NIBAN3: variants seen among roughly 807,000 people sequenced by gnomAD.
NIBAN3 encodes protein Niban 3.
Under a neutral mutation model 76.4 loss-of-function variants are expected in NIBAN3, and 66 were observed. The observed-to-expected ratio is 0.86, with a 90% CI of 0.71 to 1.06. The LOEUF (loss-of-function observed/expected upper bound fraction) is 1.06, where lower values mean the gene tolerates loss of function less well. Ranked by LOEUF, NIBAN3 falls within the 50% of genes least tolerant of loss-of-function variation. NIBAN3 has a pLI of 0.00. For missense variants in NIBAN3, 808 were observed against 810.7 expected (o/e 1.00, Z 0.04); for synonymous variants, 360 against 355.2 (o/e 1.01, Z -0.15).
rs1000542892 is a variant in NIBAN3 at position 17,542,054 on chromosome 19, T to G, written c.1171-82T>G. ...ATGTATTTTCATTTGTGTTTCTCCT[T>G]TGGTGAATTGGTAATGGGGTCCCTG... On this transcript the variant is annotated intron_variant, in intron 9 of 14. Coordinates refer to ENST00000599164, the MANE Select transcript of NIBAN3 (RefSeq NM_001321827.2). The surrounding 1 kb of genome is among the most constrained non-coding windows in gnomAD (Gnocchi z 4.8). 6.7e-7 allele frequency: 1 copy of G among 1,502,550 alleles called. No homozygotes were observed. The highest frequency in any genetic ancestry group is 1.1e-5 in the South Asian group (1 of 87,890). The allele number at this position is 1,502,550 out of a possible 1,614,324, so 93.1% of individuals were successfully genotyped here.
In NIBAN3 at chr19:17,539,595, C is replaced by A; in HGVS notation, c.817-8C>A. ...TCGGCTTTGTCCCCCCTCGACCGGT[C>A]TGGGCAGCTTCTAGACGCCGTTCAC... On this transcript the variant is annotated splice_polypyrimidine_tract_variant and splice_region_variant and intron_variant, in intron 7 of 14. Transcript: ENST00000599164. 2.6e-6 allele frequency: 4 copies of A among 1,540,624 alleles called. No homozygotes were observed. The highest frequency in any genetic ancestry group is 3.5e-6 in the Non-Finnish European group (4 of 1,137,476).
Position 17,539,743 on chromosome 19 carries a change from G to C in NIBAN3, c.957G>C (p.Ala319=). ...TGGACCAGCTGCTGCGGCAGCGGGC[G>C]CGTGTGGCGGGGCGGCTGAGGAGTG... ...PDVDQLLRQR[A]RVAGRLRTDI... is the part of the protein sequence containing the mutation. The change falls in exon 8 of 15, where the codon GCG becomes GCC. Residue 319 remains alanine (A), a synonymous_variant. Coordinates refer to ENST00000599164, the MANE Select transcript of NIBAN3 (RefSeq NM_001321827.2). 6.5e-7 allele frequency: 1 copy of C among 1,538,474 alleles called. No individual in the cohort carries two copies. The highest frequency in any genetic ancestry group is 8.7e-7 in the Non-Finnish European group (1 of 1,144,168).
At chr19:17,528,502 G>A (rs1209882663) in intron 1 of NIBAN3, among the ~76,000 whole-genome samples, 1 of 152,154 alleles carries the variant, frequency 6.6e-6, no homozygotes, top group Non-Finnish European at 1.5e-5. Context: ...GCCAGGCCCT[G>A]AGGGATGTCT....
chr19:17,549,128 C>T (rs2076111701), intron 13 of NIBAN3, among the ~76,000 whole-genome samples: 1 of 152,042 alleles, frequency 6.6e-6, no homozygotes, highest in Non-Finnish European at 1.5e-5. Flanking sequence ...GAATTAAATC[C>T]AGAAACAGTT....
rs1033296179 is a variant in NIBAN3, at chr19:17,553,423, C to T, written c.*1525C>T. On this transcript the variant is annotated 3_prime_UTR_variant, in exon 15 of 15. Coordinates refer to ENST00000599164, the MANE Select transcript of NIBAN3 (RefSeq NM_001321827.2). Reference sequence around the variant, plus strand: ...TAACTGGATATTGGCAGCTTCTCTGCTGTCTTGCAGCTGCTTCCGGAGTGG... The same window carrying T: ...TAACTGGATATTGGCAGCTTCTCTGTTGTCTTGCAGCTGCTTCCGGAGTGG... The T allele has an allele frequency of 6.2e-7, 1 of 1,614,214 alleles. No individual in the cohort carries two copies. The highest frequency in any genetic ancestry group is 8.5e-7 in the Non-Finnish European group (1 of 1,180,036).
intron 5 of NIBAN3, among the ~76,000 whole-genome samples, chr19:17,538,069 G>T (rs901590232): frequency 2.0e-5 from 3 of 152,060 alleles, no homozygotes; most frequent in Non-Finnish European, 4.4e-5. Flanking sequence ...CAGCCTGAGG[G>T]ATGGGGGTTA....
rs1000540928 is a variant in NIBAN3 at position 17,553,389 on chromosome 19, G to C, written c.*1491G>C. The stretch of plus-strand genomic sequence containing the variant: ...CCGACTTCCTCTGCTTGCCAGCAAA[G>C]TCATCTGCTAACTGGATATTGGCAG... On this transcript the variant is annotated 3_prime_UTR_variant, in exon 15 of 15. Transcript: ENST00000599164. The C allele has an allele frequency of 1.2e-6, 2 of 1,614,156 alleles. No homozygotes were observed. The highest frequency in any genetic ancestry group is 4.5e-5 in the East Asian group (2 of 44,888).
At chr19:17,535,767 G>A (rs534490132) in intron 4 of NIBAN3, among the ~76,000 whole-genome samples, 307 of 147,480 alleles carry the variant, frequency 2.1e-3, no homozygotes, top group Non-Finnish European at 3.3e-3. Context: ...AAAAAAGCCA[G>A]GTGGCTCACG....
intron 1 of NIBAN3, among the ~76,000 whole-genome samples, chr19:17,530,056 C>A (rs1469561641): frequency 7.3e-4 from 102 of 140,096 alleles, no homozygotes; most frequent in African/African-American, 1.7e-3. Flanking sequence ...CACCCTGTCT[C>A]AAAAAAAAGA....
chr19:17,530,849 T>A lies in NIBAN3; in HGVS notation c.150T>A (p.Pro50=). 1 of 1,613,504 alleles carries A rather than the reference T, an allele frequency of 6.2e-7. No homozygotes were observed. Residue 50 remains proline (P), a synonymous_variant, in exon 2 of 15, where the codon CCT becomes CCA. Coordinates refer to ENST00000599164, the MANE Select transcript of NIBAN3 (RefSeq NM_001321827.2). The stretch of plus-strand genomic sequence containing the variant: ...GGCAGATCTCTCGAGAGCTGGGCCC[T>A]CAGGAGCCGACCGGAAGCCAGTTGC... ...VLRQISRELG[P]QEPTGSQLLR... is the part of the protein sequence containing the mutation.
intron 9 of NIBAN3, among the ~76,000 whole-genome samples, chr19:17,541,416 C>T (rs1009529832): frequency 1.3e-5 from 2 of 152,076 alleles, no homozygotes; most frequent in Non-Finnish European, 2.9e-5. Flanking sequence ...GACTTTCATA[C>T]CACTGTGGGT....
At chr19:17,527,973 C>G (rs1047162530) in intron 1 of NIBAN3, among the ~76,000 whole-genome samples, 2 of 151,660 alleles carry the variant, frequency 1.3e-5, no homozygotes, top group South Asian at 2.1e-4. Context: ...GGATTACAGG[C>G]GGGAGCCACT....
In NIBAN3 at chr19:17,543,368, A is replaced by G; in HGVS notation, c.1381A>G (p.Thr461Ala). The G allele has an allele frequency of 1.3e-6, 2 of 1,597,574 alleles. No individual in the cohort carries two copies. Among genetic ancestry groups the G allele is most frequent in the South Asian group, 2.2e-5 (2 of 89,430 alleles). The change falls in exon 11 of 15, where the codon ACG becomes GCG. Residue 461 changes from threonine (T) to alanine (A), a missense_variant. Physicochemically the swap from Thr to Ala is moderately conservative, Grantham distance 58. Transcript: ENST00000599164. ...CCTGCAGCTGGCTGACCAGTGTCTG[A>G]CGACGGCCCTCAACTGTGACCAGGC... is the stretch of plus-strand genomic sequence containing the variant. ...TFLQLADQCL[T>A]TALNCDQAAQ...
At position 17,542,589 on chromosome 19, in the gene NIBAN3, TC is replaced by T. The variant is rs1248072500; in HGVS notation, c.1329+298del. On this transcript the variant is annotated intron_variant, in intron 10 of 14. Transcript: ENST00000599164. This position sits in a 1 kb window ranked among gnomAD's most constrained non-coding sequence, Gnocchi z 4.8. ...ATGGGAGGAATGGCGTTGCCACCAG[TC>T]CCGAGTGAATAGTGTTGAGAGTGCT... Among the ~76,000 whole-genome samples, 1 of 152,118 alleles carries T rather than the reference TC, an allele frequency of 6.6e-6. No individual in the cohort carries two copies. Among genetic ancestry groups the T allele is most frequent in the Non-Finnish European group, 1.5e-5 (1 of 68,018 alleles).
At position 17,542,661 on chromosome 19, in the gene NIBAN3, G is replaced by A. The variant is rs1052373547; in HGVS notation, c.1329+367G>A. On this transcript the variant is annotated intron_variant, in intron 10 of 14. Transcript: ENST00000599164. This position sits in a 1 kb window ranked among gnomAD's most constrained non-coding sequence, Gnocchi z 4.8. ...GGAGCAATTTTTCAGAAATGGGGAA[G>A]ATAGGCCGGCGACATGGACGGGCAG... Among the ~76,000 whole-genome samples, 2 of 152,218 alleles carry A rather than the reference G, an allele frequency of 1.3e-5. No individual in the cohort carries two copies. The highest frequency in any genetic ancestry group is 4.8e-5 in the African/African-American group (2 of 41,458).
intron 10 of NIBAN3, 56 bp from the exon 11 acceptor site, chr19:17,543,261 G>C: frequency 1.6e-6 from 2 of 1,247,520 alleles, no homozygotes; most frequent in East Asian, 2.4e-5. Flanking sequence ...GGCAGGAGTG[G>C]GGCCCGGGAG....
rs766653053 is a variant in NIBAN3, at chr19:17,533,714, G to A, written c.427+13G>A. ...CCTGAATCCTTGGGTAAGGGTCCCG[G>A]GGTTCCCAGGAACAGGTTTCTCCAC... On this transcript the variant is annotated intron_variant, in intron 4 of 14. Coordinates refer to ENST00000599164, the MANE Select transcript of NIBAN3 (RefSeq NM_001321827.2). 152 of 1,596,402 alleles carry A rather than the reference G, an allele frequency of 9.5e-5. No homozygotes were observed. Among genetic ancestry groups the A allele is most frequent in the South Asian group, 7.7e-5 (7 of 90,688 alleles).
Position 17,542,035 on chromosome 19 carries a change from T to C in NIBAN3, c.1171-101T>C. The C allele has an allele frequency of 7.1e-7, 1 of 1,417,386 alleles. No homozygotes were observed. Among genetic ancestry groups the C allele is most frequent in the Non-Finnish European group, 9.9e-7 (1 of 1,009,346 alleles). The allele number at this position is 1,417,386 out of a possible 1,614,324, so 87.8% of individuals were successfully genotyped here. ...TGGTGACAGCTGAGACGGGATGTATTTTCATTTGTGTTTCTCCTTTGGTGA... is the reference window on the plus strand; with the variant it reads ...TGGTGACAGCTGAGACGGGATGTATCTTCATTTGTGTTTCTCCTTTGGTGA... On this transcript the variant is annotated intron_variant, in intron 9 of 14. Transcript: ENST00000599164. This position sits in a 1 kb window ranked among gnomAD's most constrained non-coding sequence, Gnocchi z 4.8.
At position 17,532,266 on chromosome 19, in the gene NIBAN3, C is replaced by T; in HGVS notation, c.190C>T (p.Leu64=). Residue 64 remains leucine (L), a synonymous_variant, in exon 3 of 15, where the codon CTG becomes TTG. Transcript: ENST00000599164. ...CCACTGCTCCCTCTTTCTGCAGAAG[C>T]TGCCCCGAGTCCGTGAGCACCGAGG... ...TGSQLLRSKK[L]PRVREHRGPL... is the part of the protein sequence containing the mutation. The T allele has an allele frequency of 1.2e-6, 2 of 1,607,996 alleles. No homozygotes were observed. The highest frequency in any genetic ancestry group is 1.7e-6 in the Non-Finnish European group (2 of 1,176,444).
Sources: gnomAD v4.1 joint callset for allele counts (sites outside exome capture counted in the v4.1 genomes callset) on GRCh38, gnomAD v4.1.1 for gene constraint, Gnocchi (gnomAD v3.1) non-coding constraint, MANE v1.5 for transcripts, NCBI Gene and HGNC (gene_info 2026-07-23, HGNC 2026-07-21) for gene names.